OSBPL7: variants seen among roughly 807,000 people sequenced by gnomAD.
OSBPL7 encodes the protein oxysterol-binding protein-related protein 7.
OSBPL7 carries 66 observed loss-of-function variants against 115.8 expected under a neutral mutation model. The ratio of observed to expected loss-of-function variants is 0.57; its 90% CI spans 0.47 to 0.70. OSBPL7 has a LOEUF of 0.70. Among genes scored for constraint, OSBPL7 ranks in the 30% least tolerant of loss-of-function variants. The probability of loss-of-function intolerance (pLI) is 0.00; values close to 1 mark genes in which losing one functional copy is unlikely to be tolerated. For synonymous variants in OSBPL7, 441 were observed against 439.2 expected (o/e 1.00, Z -0.05); for missense variants, 902 against 1,125.5 (o/e 0.80, Z 2.84).
rs187120024 is a variant in OSBPL7, at chr17:47,819,892, C to T, written c.201+79G>A. 222 of 1,606,360 alleles carry T rather than the reference C, an allele frequency of 1.4e-4. No homozygotes were observed. In the East Asian group the frequency reaches 3.3e-3, roughly 24 times the overall value. ...CTTTTCCTTCTCATCATGCAAACAC[C>T]ATTGGACTGCCCAGCAGCTGCCCCC... is the stretch of plus-strand genomic sequence containing the variant. On this transcript the variant is annotated intron_variant, in intron 3 of 22. Transcript: ENST00000007414.
chr17:47,815,236 G>A lies in OSBPL7; in HGVS notation c.1236C>T (p.Ser412=), dbSNP rs770689810. ...TCACCTCATTCTCAGAAGAGCTGGCGGAGAGGAGAACCTCGCAGGCATCGA... is the reference window on the plus strand; with the variant it reads ...TCACCTCATTCTCAGAAGAGCTGGCAGAGAGGAGAACCTCGCAGGCATCGA... The part of the protein sequence containing the change: ...EFFDACEVLL[S]ASSSENEGSE... Residue 412 remains serine (S), a synonymous_variant, in exon 13 of 23, where the codon TCC becomes TCT. Coordinates refer to ENST00000007414, the MANE Select transcript of OSBPL7 (RefSeq NM_145798.3). 8.1e-5 allele frequency: 130 copies of A among 1,613,216 alleles called. No homozygotes were observed. Among genetic ancestry groups the A allele is most frequent in the Non-Finnish European group, 1.0e-4 (122 of 1,179,578 alleles).
chr17:47,819,916 CCCATTCCCA>C, intron 3 of OSBPL7, 46 bp downstream of exon 3: 3 of 1,509,516 alleles, frequency 2.0e-6, no homozygotes, highest in Non-Finnish European at 2.7e-6. Context: ...GCAGCTGCCC[CCCATTCCCA>C]CCCCGCCCCC....
chr17:47,813,834 C>A lies in OSBPL7; in HGVS notation c.1352G>T (p.Gly451Val). The A allele has an allele frequency of 1.2e-6, 2 of 1,605,144 alleles. No individual in the cohort carries two copies. The highest frequency in any genetic ancestry group is 1.1e-5 in the South Asian group (1 of 90,508). The change falls in exon 15 of 23, where the codon GGG (glycine) becomes GTG (valine). Residue 451 changes from glycine to valine, a missense_variant and splice_region_variant. Gly to Val is a moderately radical substitution (Grantham distance 109). Around this residue, in one of 3 missense-constraint regions of OSBPL7, gnomAD observed 667 missense variants for 788.7 expected, o/e 0.85. Transcript: ENST00000007414. ...DLRGAERCQK[G>V]GCVPGRPMGP... ...CATGGGTCTCCCTGGAACACACCCC[C>A]CTGGGGCCGCCCTGCCATGTCACTC...
At position 47,816,851 on chromosome 17, in the gene OSBPL7, G is replaced by C. The variant is rs2033236126; in HGVS notation, c.724C>G (p.Pro242Ala). The C allele has an allele frequency of 6.2e-7, 1 of 1,614,006 alleles. No individual in the cohort carries two copies. The highest frequency in any genetic ancestry group is 2.2e-5 in the East Asian group (1 of 44,876). Residue 242 changes from proline to alanine, a missense_variant, in exon 9 of 23, where the codon CCC becomes GCC. Coordinates refer to ENST00000007414, the MANE Select transcript of OSBPL7 (RefSeq NM_145798.3). This position sits in a 1 kb window ranked among gnomAD's most constrained non-coding sequence, Gnocchi z 5.8. Reference protein sequence around the residue: ...THQASVTTERPKKGKRTSRMW... With the variant: ...THQASVTTERAKKGKRTSRMW... Reference sequence around the variant, plus strand: ...CGGCTTGTCCGTTTCCCCTTCTTGGGTCTTTCGGTTGTCACTGAGGCCTGG... The same window carrying C: ...CGGCTTGTCCGTTTCCCCTTCTTGGCTCTTTCGGTTGTCACTGAGGCCTGG...
At position 47,820,256 on chromosome 17, in the gene OSBPL7, G is replaced by A. The variant is rs377181361; in HGVS notation, c.23C>T (p.Pro8Leu). The A allele has an allele frequency of 8.7e-5, 141 of 1,613,734 alleles. No homozygotes were observed. The highest frequency in any genetic ancestry group is 1.1e-4 in the Non-Finnish European group (129 of 1,179,930). The change falls in exon 2 of 23, where the codon CCG becomes CTG. Residue 8 changes from proline (P) to leucine (L), a missense_variant. By Grantham distance (98) the Pro-to-Leu change is moderately conservative (BLOSUM62 -3). Around this residue, in one of 3 missense-constraint regions of OSBPL7, gnomAD observed 667 missense variants for 788.7 expected, o/e 0.85. Transcript: ENST00000007414. ...CTGAGCGCTCTCAGGCAGGAAGGGC[G>A]GGTCCCTCTCTTGGAAGTCCATGGA... MDFQERD[P>L]PFLPESAQSS... is the part of the protein sequence containing the mutation.
intron 16 of OSBPL7, among the ~76,000 whole-genome samples, chr17:47,812,032 T>G (rs2033058700): frequency 6.9e-6 from 1 of 144,880 alleles, no homozygotes; most frequent in Non-Finnish European, 1.6e-5. Context: ...CAAAAACACT[T>G]CAAATCCAAA....
chr17:47,820,393 C>T (rs2033363555), intron 1 of OSBPL7, 28 bp from the exon 2 acceptor site: 14 of 999,682 alleles, frequency 1.4e-5, no homozygotes, highest in East Asian at 2.6e-5. Flanking sequence ...ACCCCCTTAA[C>T]GCAAACTCTG....
At position 47,809,237 on chromosome 17, in the gene OSBPL7, AGGGTTTAGGGAGGTGTCC is replaced by A. The variant is rs1397094481; in HGVS notation, c.2026-35_2026-18del. 1.2e-6 allele frequency: 2 copies of A among 1,613,708 alleles called. No individual in the cohort carries two copies. The highest frequency in any genetic ancestry group is 3.3e-5 in the Admixed American group (2 of 59,998). ...GTACTTGGCCTGGGGTGGGGAAGGC[AGGGTTTAGGGAGGTGTCC>A]CCTCCCCCTTAGCCAGGGTGACCTC... On this transcript the variant is annotated intron_variant, in intron 19 of 22. Coordinates refer to ENST00000007414, the MANE Select transcript of OSBPL7 (RefSeq NM_145798.3).
chr17:47,817,342 C>A lies in OSBPL7; in HGVS notation c.616G>T (p.Gly206Trp). The A allele has an allele frequency of 6.2e-7, 1 of 1,602,820 alleles. No individual in the cohort carries two copies. The highest frequency in any genetic ancestry group is 2.2e-5 in the East Asian group (1 of 44,788). The change falls in exon 8 of 23, where the codon GGG (glycine) becomes TGG (tryptophan). Residue 206 changes from glycine (G) to tryptophan (W), a missense_variant. By Grantham distance (184) the Gly-to-Trp change is radical. Around this residue, in one of 3 missense-constraint regions of OSBPL7, gnomAD observed 667 missense variants for 788.7 expected, o/e 0.85. Coordinates refer to ENST00000007414, the MANE Select transcript of OSBPL7 (RefSeq NM_145798.3). The part of the protein sequence containing the change: ...RCSHELSECQ[G>W]KLQELHRLLQ... The stretch of plus-strand genomic sequence containing the variant: ...AGCCTGTGTAGTTCCTGGAGCTTCC[C>A]CTGACACTCAGAGAGCTCTGCGGGG...
chr17:47,813,683 G>A lies in OSBPL7; in HGVS notation c.1503C>T (p.Asn501=), dbSNP rs140138342. 215 of 1,613,158 alleles carry A rather than the reference G, an allele frequency of 1.3e-4. No homozygotes were observed. Among genetic ancestry groups the A allele is most frequent in the Non-Finnish European group, 1.3e-4 (150 of 1,180,006 alleles). The change falls in exon 15 of 23, where the codon AAC becomes AAT. Residue 501 remains asparagine (N), a synonymous_variant. Coordinates refer to ENST00000007414, the MANE Select transcript of OSBPL7 (RefSeq NM_145798.3). ...GCCGCTGCAGAGTGTTGAGCGGCTC[G>A]TTGAGCTGCACAGGCATTGACACCT... ...LSKVSMPVQL[N]EPLNTLQRLC... is the part of the protein sequence containing the mutation.
chr17:47,815,178 CTA>C, intron 13 of OSBPL7, 35 bp downstream of exon 13: 1 of 1,596,260 alleles, frequency 6.3e-7, no homozygotes. Context: ...AAGGTCCCCC[CTA>C]CCCCGCCTCA....
At position 47,808,651 on chromosome 17, in the gene OSBPL7, C is replaced by T. The variant is rs1243949348; in HGVS notation, c.2307G>A (p.Glu769=). Residue 769 remains glutamate, a synonymous_variant, in exon 22 of 23, where the codon GAG becomes GAA. Transcript: ENST00000007414. This position sits in a 1 kb window ranked among gnomAD's most constrained non-coding sequence, Gnocchi z 6.1. ...TRLRPDQRYL[E]EGNIQAAEAQ... ...CCTCAGCGGCCTGTATGTTCCCCTC[C>T]TCCAGGTACCTGAGGATCCAGATCA... 4 of 1,614,186 alleles carry T rather than the reference C, an allele frequency of 2.5e-6. No homozygotes were observed. Among genetic ancestry groups the T allele is most frequent in the Non-Finnish European group, 3.4e-6 (4 of 1,180,018 alleles).
intron 1 of OSBPL7, among the ~76,000 whole-genome samples, 179 bp downstream of exon 1, chr17:47,821,487 G>T (rs1226400848): frequency 6.6e-6 from 1 of 152,200 alleles, no homozygotes; most frequent in Non-Finnish European, 1.5e-5. Flanking sequence ...GCCCTGTGGG[G>T]ATCCTGGCCC....
chr17:47,817,140 AG>A, intron 8 of OSBPL7, 115 bp downstream of exon 8: 3 of 837,972 alleles, frequency 3.6e-6, no homozygotes, highest in Non-Finnish European at 5.7e-6. Context: ...GGAGGAAACC[AG>A]GCGATGCATG....
In OSBPL7 at chr17:47,816,081, C is replaced by T. The variant is rs2033204678; in HGVS notation, c.1119+26G>A. 1 of 1,531,530 alleles carries T rather than the reference C, an allele frequency of 6.5e-7. No homozygotes were observed. Among genetic ancestry groups the T allele is most frequent in the East Asian group, 2.5e-5 (1 of 40,648 alleles). 94.9% of individuals were successfully genotyped at this position (1,531,530 alleles called of 1,614,324 possible). On this transcript the variant is annotated intron_variant, in intron 12 of 22. Transcript: ENST00000007414. The surrounding 1 kb of genome is among the most constrained non-coding windows in gnomAD (Gnocchi z 5.8). ...GGAGAGAAGGCACAGGAGAATCGGC[C>T]CCCACAGCCCACCCTGGCTCCTCAC...
chr17:47,821,226 C>G (rs732840), intron 1 of OSBPL7, among the ~76,000 whole-genome samples: 1 of 151,674 alleles, frequency 6.6e-6, no homozygotes, highest in Non-Finnish European at 1.5e-5. Flanking sequence ...ATGTGTGAGA[C>G]GGGGGAGGGG....
chr17:47,808,706 C>A lies in OSBPL7; in HGVS notation c.2298-46G>T. The A allele has an allele frequency of 1.9e-6, 3 of 1,610,918 alleles. No individual in the cohort carries two copies. Among genetic ancestry groups the A allele is most frequent in the Non-Finnish European group, 2.5e-6 (3 of 1,178,386 alleles). On this transcript the variant is annotated intron_variant, in intron 21 of 22. Transcript: ENST00000007414. This position sits in a 1 kb window ranked among gnomAD's most constrained non-coding sequence, Gnocchi z 6.1. ...CAGGGGAACTGCCCATCTGCAGGGG[C>A]CCCCAAACCCAAGGCCTCTGTCTCT...
rs1336725980 is a variant in OSBPL7 at position 47,816,892 on chromosome 17, G to C, written c.703-20C>G. 6.2e-7 allele frequency: 1 copy of C among 1,611,424 alleles called. No homozygotes were observed. The highest frequency in any genetic ancestry group is 1.1e-5 in the South Asian group (1 of 91,008). The stretch of plus-strand genomic sequence containing the variant: ...TGAGGCCTGGCAAGTCAAGGTGGGG[G>C]CAATTTTACTCACAGGGTGGGGAAA... On this transcript the variant is annotated intron_variant, in intron 8 of 22. Coordinates refer to ENST00000007414, the MANE Select transcript of OSBPL7 (RefSeq NM_145798.3). This position sits in a 1 kb window ranked among gnomAD's most constrained non-coding sequence, Gnocchi z 5.8.
chr17:47,818,752 G>T, intron 5 of OSBPL7, 136 bp from the exon 6 acceptor site: 1 of 860,726 alleles, frequency 1.2e-6, no homozygotes, highest in Non-Finnish European at 1.8e-6. Flanking sequence ...CTCACTTGCA[G>T]GGAGACAGAG....
Sources: gnomAD v4.1 joint callset for allele counts (sites outside exome capture counted in the v4.1 genomes callset) on GRCh38, gnomAD v4.1.1 for gene constraint, gnomAD v4.1.1 regional missense constraint, Gnocchi (gnomAD v3.1) non-coding constraint, MANE v1.5 for transcripts, NCBI Gene and HGNC (gene_info 2026-07-23, HGNC 2026-07-21) for gene names.